The following CCDC150 variants were observed in gnomAD, a reference collection of about 807,000 sequenced individuals.
CCDC150 encodes the protein coiled-coil domain containing 150, also known as coiled-coil domain-containing protein 150.
A neutral mutation model predicts 156.5 loss-of-function variants in CCDC150; 151 were observed. That is an observed-to-expected ratio of 0.97 (90% confidence interval 0.85 to 1.10). The LOEUF is 1.10. Among genes scored for constraint, CCDC150 ranks in the 50% least tolerant of loss-of-function variants. The pLI is 0.00. For missense variants in CCDC150, 1,312 were observed against 1,268.1 expected, an observed-to-expected ratio of 1.03 and a Z score of -0.53; for synonymous variants, 452 against 429.4, an observed-to-expected ratio of 1.05 and a Z score of -0.65.
At chr2:196,683,188 C>G (rs183687543) in intron 13 of CCDC150, among the ~76,000 whole-genome samples, 4 of 151,976 alleles carry the variant, frequency 2.6e-5, no homozygotes, top group South Asian at 4.2e-4. Flanking sequence ...TTAGAAAATT[C>G]CCCTCTATTC....
intron 5 of CCDC150, among the ~76,000 whole-genome samples, chr2:196,662,859 C>A (rs1184332074): frequency 6.7e-6 from 1 of 148,940 alleles, no homozygotes; most frequent in Non-Finnish European, 1.5e-5. Context: ...TCACTTGAGC[C>A]TGGGAGGTCG....
chr2:196,690,346 A>G (rs921953838), intron 13 of CCDC150, among the ~76,000 whole-genome samples: 3 of 152,188 alleles, frequency 2.0e-5, no homozygotes, highest in East Asian at 3.9e-4. Flanking sequence ...ACTAACCTGC[A>G]CATTGTGCAC....
intron 13 of CCDC150, among the ~76,000 whole-genome samples, chr2:196,688,505 A>C (rs1287305511): frequency 6.6e-6 from 1 of 152,146 alleles, no homozygotes. Context: ...GGCTGAGGCA[A>C]TAGGGTTTTT....
At chr2:196,652,445 C>T (rs1255484132) in intron 2 of CCDC150, among the ~76,000 whole-genome samples, 2 of 152,248 alleles carry the variant, frequency 1.3e-5, no homozygotes, top group African/African-American at 4.8e-5. Flanking sequence ...CTTTAAAGCT[C>T]CAAAACAATC....
At chr2:196,703,671 ATATAT>A (rs1231889425) in intron 15 of CCDC150, among the ~76,000 whole-genome samples, 1 of 152,206 alleles carries the variant, frequency 6.6e-6, no homozygotes, top group Admixed American at 6.5e-5. Flanking sequence ...GAAAAATGAA[ATATAT>A]TATGAAATAT....
chr2:196,706,776 G>GT (rs559436224), intron 15 of CCDC150, among the ~76,000 whole-genome samples: 126 of 151,900 alleles, frequency 8.3e-4, no homozygotes, highest in African/African-American at 2.9e-3. Flanking sequence ...GATAATCGTG[G>GT]TTTTTTCATT....
At position 196,695,068 on chromosome 2, in the gene CCDC150, A is replaced by G; in HGVS notation, c.1532A>G (p.His511Arg). ...KNKVDINTLTHNLQTLEEENK... is the reference protein window; with the variant it reads ...KNKVDINTLTRNLQTLEEENK... ...AAGGTAGACATAAATACATTAACTC[A>G]TAACCTGCAGACTCTTGAAGAAGAG... The change falls in exon 14 of 28, where the codon CAT (histidine) becomes CGT (arginine). Residue 511 changes from histidine (H) to arginine (R), a missense_variant. His to Arg is a conservative substitution (Grantham distance 29, BLOSUM62 0). Coordinates refer to ENST00000389175, the MANE Select transcript of CCDC150 (RefSeq NM_001080539.2). 6.2e-7 allele frequency: 1 copy of G among 1,606,016 alleles called. No individual in the cohort carries two copies. The highest frequency in any genetic ancestry group is 8.5e-7 in the Non-Finnish European group (1 of 1,175,108).
At chr2:196,722,180 T>A (rs577293276) in intron 21 of CCDC150, among the ~76,000 whole-genome samples, 2 of 152,222 alleles carry the variant, frequency 1.3e-5, no homozygotes, top group Non-Finnish European at 2.9e-5. Flanking sequence ...AGTTTTGCCT[T>A]AAATTATACC....
intron 13 of CCDC150, among the ~76,000 whole-genome samples, chr2:196,681,416 A>G (rs896322060): frequency 6.6e-6 from 1 of 152,100 alleles, no homozygotes; most frequent in Admixed American, 6.6e-5. Flanking sequence ...CCTTTTAGCT[A>G]TTGTGACTAG....
chr2:196,712,173 T>C lies in CCDC150; in HGVS notation c.1724T>C (p.Val575Ala), dbSNP rs1559266152. ...QIKVKQLEEQ[V>A]QSFTDTSLQN... ...AAAGTTAAACAGCTAGAAGAACAAG[T>C]ACAGTCTTTTACTGACACCAGCTTA... The change falls in exon 16 of 28, where the codon GTA becomes GCA. Residue 575 changes from valine (V) to alanine (A), a missense_variant. Val to Ala is a moderately conservative substitution (Grantham distance 64, BLOSUM62 0). Transcript: ENST00000389175. 1 of 1,578,732 alleles carries C rather than the reference T, an allele frequency of 6.3e-7. No individual in the cohort carries two copies. The highest frequency in any genetic ancestry group is 1.2e-5 in the South Asian group (1 of 84,664).
intron 11 of CCDC150, 101 bp from the exon 12 acceptor site, chr2:196,676,453 C>A: frequency 7.6e-7 from 1 of 1,311,978 alleles, no homozygotes; most frequent in Non-Finnish European, 1.1e-6. Flanking sequence ...TTGGTAACTA[C>A]TCTCAGTCAG....
chr2:196,664,832 G>GT (rs1173090061), intron 5 of CCDC150, among the ~76,000 whole-genome samples: 1 of 151,890 alleles, frequency 6.6e-6, no homozygotes. Context: ...GTGATTCCAA[G>GT]TTTTTTATGA....
intron 2 of CCDC150, among the ~76,000 whole-genome samples, chr2:196,648,312 T>C (rs1020540777): frequency 2.0e-5 from 3 of 152,188 alleles, no homozygotes; most frequent in Admixed American, 2.0e-4. Context: ...ATCTTTCATC[T>C]TTTTGATAGT....
chr2:196,685,264 AC>A (rs1695056871), intron 13 of CCDC150, among the ~76,000 whole-genome samples: 1 of 152,138 alleles, frequency 6.6e-6, no homozygotes, highest in South Asian at 2.1e-4. Context: ...TTTTATATAC[AC>A]CTATGTTGCT....
intron 17 of CCDC150, among the ~76,000 whole-genome samples, chr2:196,716,026 C>T (rs898282449): frequency 2.6e-5 from 4 of 152,010 alleles, no homozygotes; most frequent in African/African-American, 9.7e-5. Flanking sequence ...AAGAAGAAAA[C>T]CTAAGAAAAA....
intron 2 of CCDC150, among the ~76,000 whole-genome samples, chr2:196,655,452 G>C (rs1438896464): frequency 1.3e-5 from 2 of 152,138 alleles, no homozygotes; most frequent in African/African-American, 2.4e-5. Context: ...GGGCAAGCTA[G>C]GGGAGAAGTC....
At chr2:196,707,546 TG>T (rs1315800772) in intron 15 of CCDC150, among the ~76,000 whole-genome samples, 5 of 152,242 alleles carry the variant, frequency 3.3e-5, no homozygotes, top group Non-Finnish European at 7.3e-5. Flanking sequence ...TCTTGCCTGC[TG>T]CTAGCTTTTG....
chr2:196,732,129 G>A lies in CCDC150; in HGVS notation c.3166G>A (p.Gly1056Arg), dbSNP rs1238600291. ...LTKNRLQRPS[G>R]EDRWQEKDQD... ...AAAAAACCGGTTGCAGAGGCCTTCTGGGGAAGACAGGTGGCAGGAAAAGGT... is the reference window on the plus strand; with the variant it reads ...AAAAAACCGGTTGCAGAGGCCTTCTAGGGAAGACAGGTGGCAGGAAAAGGT... Residue 1056 changes from glycine to arginine, a missense_variant, in exon 27 of 28, where the codon GGG becomes AGG. Coordinates refer to ENST00000389175, the MANE Select transcript of CCDC150 (RefSeq NM_001080539.2). 6.2e-7 allele frequency: 1 copy of A among 1,613,824 alleles called. No homozygotes were observed. The highest frequency in any genetic ancestry group is 1.7e-5 in the Admixed American group (1 of 59,994).
chr2:196,720,776 A>G (rs570995835), intron 20 of CCDC150, 108 bp downstream of exon 20: 19 of 993,622 alleles, frequency 1.9e-5, no homozygotes, highest in African/African-American at 1.3e-4. Flanking sequence ...GTTTTTTTCA[A>G]TCAAGTCTGA....
Sources: allele counts gnomAD v4.1 joint callset (sites outside exome capture counted in the v4.1 genomes callset), GRCh38; gene constraint gnomAD v4.1.1; transcripts MANE v1.5; gene names NCBI Gene and HGNC (gene_info 2026-07-23, HGNC 2026-07-21).